The following PCDHA3 variants were observed in gnomAD, a reference collection of about 807,000 sequenced individuals.
PCDHA3 encodes protocadherin alpha 3.
A neutral mutation model predicts 62.2 loss-of-function variants in PCDHA3; 41 were observed. The observed-to-expected ratio is 0.66, with a 90% confidence interval of 0.51 to 0.86. The LOEUF (loss-of-function observed/expected upper bound fraction) is 0.86, where lower values mean the gene tolerates loss of function less well. Ranked by LOEUF, PCDHA3 falls within the 40% of genes least tolerant of loss-of-function variation. The probability of loss-of-function intolerance (pLI) is 0.00; values close to 1 mark genes in which losing one functional copy is unlikely to be tolerated. For missense variants in PCDHA3, 1,304 were observed against 1,241.2 expected, an observed-to-expected ratio of 1.05 and a Z score of -0.76; for synonymous variants, 640 against 555.4, an observed-to-expected ratio of 1.15 and a Z score of -2.14.
chr5:140,883,486 A>G (rs2059636103), intron 1 of PCDHA3: 1 of 1,614,016 alleles, frequency 6.2e-7, no homozygotes, highest in Non-Finnish European at 8.5e-7. Context: ...ACTACTACTC[A>G]TTAGTGCTGG....
chr5:140,937,790 T>G (rs2091754196), intron 1 of PCDHA3, among the ~76,000 whole-genome samples: 1 of 151,512 alleles, frequency 6.6e-6, no homozygotes, highest in Non-Finnish European at 1.5e-5. Flanking sequence ...CGGGCGTATG[T>G]AGTCCCAGCT....
intron 1 of PCDHA3, chr5:140,859,840 A>G (rs989673306): frequency 6.6e-6 from 1 of 152,134 alleles, no homozygotes; most frequent in South Asian, 2.1e-4. Flanking sequence ...TTGTTATTTT[A>G]TCAAATAGGT....
intron 1 of PCDHA3, chr5:140,836,929 A>G (rs1244897487): frequency 4.0e-6 from 2 of 498,160 alleles, no homozygotes; most frequent in Non-Finnish European, 6.9e-6. Flanking sequence ...GGGATGCGTA[A>G]TACTATAGAT....
chr5:141,010,438 CAAAT>C lies in PCDHA3; in HGVS notation c.*505_*508del, dbSNP rs2098417279. On this transcript the variant is annotated 3_prime_UTR_variant, in exon 4 of 4. Transcript: ENST00000522353. ...TACAAGGAAGGCAAGAAAACAAAGA[CAAAT>C]AAACAGCGGAAGTTATCAGTATGGA... 2.0e-6 allele frequency: 2 copies of C among 998,926 alleles called. No homozygotes were observed. The highest frequency in any genetic ancestry group is 2.8e-6 in the Non-Finnish European group (2 of 704,790). The allele number at this position is 998,926 out of a possible 1,614,324, so 61.9% of individuals were successfully genotyped here.
chr5:140,827,978 G>A, intron 1 of PCDHA3: 1 of 1,411,616 alleles, frequency 7.1e-7, no homozygotes, highest in Non-Finnish European at 9.6e-7. Flanking sequence ...ATCATTCCCT[G>A]ACTGTTGAAT....
chr5:140,830,013 A>G lies in PCDHA3; in HGVS notation c.2394+26422A>G, dbSNP rs2150179527. 6 of 1,613,450 alleles carry G rather than the reference A, an allele frequency of 3.7e-6. No individual in the cohort carries two copies. The East Asian group carries it at 1.1e-4, about 30-fold the overall frequency. Reference sequence around the variant, plus strand: ...ACCACTCGTGTCCTGGACGAAGCGGACTCTCCGCGCCACCGGCTGCTGGTG... The same window carrying G: ...ACCACTCGTGTCCTGGACGAAGCGGGCTCTCCGCGCCACCGGCTGCTGGTG... On this transcript the variant is annotated intron_variant, in intron 1 of 3. Coordinates refer to ENST00000522353, the MANE Select transcript of PCDHA3 (RefSeq NM_018906.3).
In PCDHA3 at chr5:140,858,199, T is replaced by C. The variant is rs142593526; in HGVS notation, c.2394+54608T>C. The C allele has an allele frequency of 1.4e-4, 227 of 1,596,922 alleles. 11 individuals carry two copies. The African/African-American group carries it at 2.3e-3, about 16-fold the overall frequency. On this transcript the variant is annotated intron_variant, in intron 1 of 3. Coordinates refer to ENST00000522353, the MANE Select transcript of PCDHA3 (RefSeq NM_018906.3). ...TGGTGCTCACGCTGCTGCTGTACAC[T>C]GCACTGAGGTGCTCGGCGGCGCCCA...
chr5:140,975,503 CT>C (rs1189456467), intron 1 of PCDHA3, among the ~76,000 whole-genome samples: 3 of 152,178 alleles, frequency 2.0e-5, no homozygotes, highest in Non-Finnish European at 4.4e-5. Flanking sequence ...TAAAATAGCA[CT>C]ATGCAAAATC....
At chr5:140,836,762 C>G (rs2150269461) in intron 1 of PCDHA3, 3 of 1,567,538 alleles carry the variant, frequency 1.9e-6, no homozygotes, top group Non-Finnish European at 2.6e-6. Context: ...AATCTTGTTT[C>G]CAACAATTTT....
rs1554121833 is a variant in PCDHA3 at position 140,802,032 on chromosome 5, T to C, written c.835T>C (p.Tyr279His). ...LDEGVNKDIA[Y>H]SFNTDMSADI... ...TGAAGGAGTAAATAAGGATATCGCG[T>C]ATTCTTTCAATACGGACATGTCAGC... The change falls in exon 1 of 4, where the codon TAT (tyrosine) becomes CAT (histidine). Residue 279 changes from tyrosine (Y) to histidine (H), a missense_variant. Physicochemically the swap from Tyr to His is moderately conservative, Grantham distance 83. Transcript: ENST00000522353. 6.2e-7 allele frequency: 1 copy of C among 1,614,204 alleles called. No homozygotes were observed. The highest frequency in any genetic ancestry group is 1.7e-5 in the Admixed American group (1 of 60,028).
intron 1 of PCDHA3, chr5:140,966,878 G>A (rs2096064555): frequency 6.3e-7 from 1 of 1,587,174 alleles, no homozygotes; most frequent in African/African-American, 1.3e-5. Flanking sequence ...GCTGCTACCT[G>A]GCCCTGCGGC....
At chr5:140,910,105 T>C (rs1021391817) in intron 1 of PCDHA3, among the ~76,000 whole-genome samples, 11 of 152,202 alleles carry the variant, frequency 7.2e-5, no homozygotes, top group African/African-American at 2.7e-4. Flanking sequence ...CCCCTTCATT[T>C]AAGGGATTCT....
chr5:140,896,764 G>C (rs2153454405), intron 1 of PCDHA3, among the ~76,000 whole-genome samples: 1 of 152,136 alleles, frequency 6.6e-6, no homozygotes, highest in East Asian at 1.9e-4. Context: ...GACCTTTGTT[G>C]GATGCATAGT....
chr5:140,864,013 A>G (rs574478230), intron 1 of PCDHA3: 3 of 153,164 alleles, frequency 2.0e-5, no homozygotes, highest in African/African-American at 4.8e-5. Flanking sequence ...AAAAAAAAGT[A>G]CATTGGAAGT....
intron 1 of PCDHA3, among the ~76,000 whole-genome samples, chr5:140,900,805 G>C (rs1554189444): frequency 6.6e-6 from 1 of 152,118 alleles, no homozygotes; most frequent in Non-Finnish European, 1.5e-5. Context: ...CATAGTGCTT[G>C]TACTAATTTA....
chr5:140,869,525 T>C, intron 1 of PCDHA3: 2 of 1,614,200 alleles, frequency 1.2e-6, no homozygotes, highest in Admixed American at 1.7e-5. Context: ...CAAAAGCTGC[T>C]GATTGCGGAA....
At chr5:140,943,050 A>G (rs1450755005) in intron 1 of PCDHA3, among the ~76,000 whole-genome samples, 1 of 152,044 alleles carries the variant, frequency 6.6e-6, no homozygotes, top group African/African-American at 2.4e-5. Flanking sequence ...TGAGGTCAGG[A>G]GTTCAAGAAC....
chr5:140,999,594 A>G (rs1279617761), intron 3 of PCDHA3, among the ~76,000 whole-genome samples: 25 of 152,186 alleles, frequency 1.6e-4, no homozygotes, highest in Admixed American at 1.4e-3. Flanking sequence ...TGCCTTCCCT[A>G]CATCCTGGGG....
intron 1 of PCDHA3, chr5:140,850,766 G>T: frequency 6.3e-7 from 1 of 1,598,074 alleles, no homozygotes; most frequent in Non-Finnish European, 8.6e-7. Context: ...GGAGGCAGAG[G>T]GTGTGCTCTG....
Sources: gnomAD v4.1 joint callset for allele counts (sites outside exome capture counted in the v4.1 genomes callset) on GRCh38, gnomAD v4.1.1 for gene constraint, MANE v1.5 for transcripts, NCBI Gene and HGNC (gene_info 2026-07-23, HGNC 2026-07-21) for gene names.